Variants in TSHZ2 observed in about 807,000 individuals in gnomAD.
TSHZ2 encodes the protein teashirt homolog 2.
Under a neutral mutation model 74.4 loss-of-function variants are expected in TSHZ2, and 21 were observed. The observed-to-expected ratio is 0.28, with a 90% CI of 0.20 to 0.41. The LOEUF is 0.41. Ranked by LOEUF, TSHZ2 falls within the 10% of genes least tolerant of loss-of-function variation. The pLI is 1.00. For synonymous variants in TSHZ2, 540 were observed against 515.3 expected (o/e 1.05, Z -0.65); for missense variants, 1,244 against 1,293.5 (o/e 0.96, Z 0.59).
chr20:52,990,682 A>G (rs1392271687), intron 1 of TSHZ2, among the ~76,000 whole-genome samples: 4 of 152,216 alleles, frequency 2.6e-5, no homozygotes, highest in African/African-American at 7.2e-5. Flanking sequence ...ACAACAGTCA[A>G]TCCCGCAATT....
chr20:53,124,136 G>A (rs1200552767), intron 1 of TSHZ2, among the ~76,000 whole-genome samples: 3 of 152,140 alleles, frequency 2.0e-5, no homozygotes, highest in African/African-American at 7.2e-5. Flanking sequence ...CAGCATGCAG[G>A]GAAATAGGGT....
chr20:53,424,620 A>G (rs938512533), intron 2 of TSHZ2, among the ~76,000 whole-genome samples: 4 of 152,030 alleles, frequency 2.6e-5, no homozygotes, highest in African/African-American at 9.7e-5. Context: ...GGTCTGTTAA[A>G]TAGATAAACG....
chr20:53,315,034 A>G (rs539927218), intron 2 of TSHZ2, among the ~76,000 whole-genome samples: 3 of 152,312 alleles, frequency 2.0e-5, no homozygotes, highest in African/African-American at 7.2e-5. Flanking sequence ...GCCATGTTTT[A>G]TTGGTCAAGT....
intron 1 of TSHZ2, among the ~76,000 whole-genome samples, chr20:53,247,190 G>A (rs1168767086): frequency 2.6e-5 from 4 of 152,188 alleles, no homozygotes. Flanking sequence ...GCATGACAGG[G>A]ATAAAAATCC....
At chr20:53,206,162 T>C (rs1026574498) in intron 1 of TSHZ2, among the ~76,000 whole-genome samples, 2 of 152,192 alleles carry the variant, frequency 1.3e-5, no homozygotes, top group African/African-American at 4.8e-5. Context: ...GAGGTTGCAG[T>C]GAGCCAACAT....
At chr20:53,071,781 A>G (rs1985183032) in intron 1 of TSHZ2, among the ~76,000 whole-genome samples, 1 of 152,134 alleles carries the variant, frequency 6.6e-6, no homozygotes, top group African/African-American at 2.4e-5. Context: ...CCGTGAAGTC[A>G]TGTCCCCTGA....
intron 2 of TSHZ2, among the ~76,000 whole-genome samples, chr20:53,326,186 A>T (rs1211899742): frequency 6.6e-6 from 1 of 152,258 alleles, no homozygotes; most frequent in African/African-American, 2.4e-5. Context: ...GCTTGTCACA[A>T]GAGAATGCAT....
At chr20:53,462,057 C>A (rs1165694536) in intron 2 of TSHZ2, among the ~76,000 whole-genome samples, 1 of 151,860 alleles carries the variant, frequency 6.6e-6, no homozygotes, top group African/African-American at 2.4e-5. Flanking sequence ...CATAAAGAAA[C>A]CCTGTCTCTA....
chr20:53,218,178 C>T (rs1026366947), intron 1 of TSHZ2, among the ~76,000 whole-genome samples: 2 of 152,216 alleles, frequency 1.3e-5, no homozygotes, highest in Non-Finnish European at 2.9e-5. Context: ...CTAAAGACTA[C>T]GCCTATAGGC....
chr20:53,202,516 C>A (rs1190739762), intron 1 of TSHZ2, among the ~76,000 whole-genome samples: 2 of 152,150 alleles, frequency 1.3e-5, no homozygotes, highest in Non-Finnish European at 2.9e-5. Context: ...TTGTTGACCA[C>A]TGAGCTCGGT....
intron 2 of TSHZ2, among the ~76,000 whole-genome samples, chr20:53,314,925 T>A (rs1978938622): frequency 6.6e-6 from 1 of 152,154 alleles, no homozygotes; most frequent in Non-Finnish European, 1.5e-5. Flanking sequence ...CCCGGCCTAG[T>A]TCTAGCTTTT....
chr20:53,072,345 A>C (rs902567079), intron 1 of TSHZ2, among the ~76,000 whole-genome samples: 1 of 152,222 alleles, frequency 6.6e-6, no homozygotes, highest in African/African-American at 2.4e-5. Flanking sequence ...GTATACCACA[A>C]AATCATAATA....
At chr20:53,416,895 C>A (rs1983273806) in intron 2 of TSHZ2, among the ~76,000 whole-genome samples, 1 of 152,216 alleles carries the variant, frequency 6.6e-6, no homozygotes, top group Admixed American at 6.5e-5. Context: ...TGGTTCAATC[C>A]TTTGGAGAAT....
intron 2 of TSHZ2, among the ~76,000 whole-genome samples, chr20:53,464,409 G>C (rs1485492323): frequency 6.6e-6 from 1 of 152,142 alleles, no homozygotes; most frequent in Non-Finnish European, 1.5e-5. Context: ...GTTGTGAGAA[G>C]GGCCCTTCAG....
intron 1 of TSHZ2, among the ~76,000 whole-genome samples, chr20:52,994,666 C>G (rs1034638055): frequency 1.3e-5 from 2 of 152,168 alleles, no homozygotes; most frequent in African/African-American, 2.4e-5. Context: ...CTTTATCCTG[C>G]ACATTAGCCC....
intron 1 of TSHZ2, among the ~76,000 whole-genome samples, chr20:53,044,956 C>T (rs1984173841): frequency 6.6e-6 from 1 of 152,158 alleles, no homozygotes; most frequent in Non-Finnish European, 1.5e-5. Context: ...GAGTGATCCT[C>T]CCAGAGTGCT....
At chr20:53,356,107 G>A (rs1469652916) in intron 2 of TSHZ2, among the ~76,000 whole-genome samples, 2 of 152,144 alleles carry the variant, frequency 1.3e-5, no homozygotes, top group Admixed American at 6.5e-5. Flanking sequence ...CATGTGCTAC[G>A]AAGACATTGA....
chr20:53,060,107 G>GTAGT (rs1239629035), intron 1 of TSHZ2, among the ~76,000 whole-genome samples: 2 of 152,296 alleles, frequency 1.3e-5, no homozygotes, highest in African/African-American at 4.8e-5. Flanking sequence ...GCCTGCCAGT[G>GTAGT]TAGTTGTAAA....
At chr20:53,124,749 T>C (rs562216703) in intron 1 of TSHZ2, among the ~76,000 whole-genome samples, 14 of 152,332 alleles carry the variant, frequency 9.2e-5, no homozygotes, top group Admixed American at 8.5e-4. Flanking sequence ...TACATGCCCA[T>C]TTTCCACCTG....
Sources: gnomAD v4.1 joint callset for allele counts (sites outside exome capture counted in the v4.1 genomes callset) on GRCh38, gnomAD v4.1.1 for gene constraint, MANE v1.5 for transcripts, NCBI Gene and HGNC (gene_info 2026-07-23, HGNC 2026-07-21) for gene names.